The following PABPC1 variants were observed in gnomAD, a reference collection of about 807,000 sequenced individuals.
The protein encoded by PABPC1 is polyadenylate-binding protein 1.
Under a neutral mutation model 74.0 loss-of-function variants are expected in PABPC1, and 4 were observed. That is an observed-to-expected ratio of 0.05 (90% CI 0.03 to 0.12). The LOEUF (loss-of-function observed/expected upper bound fraction) is 0.12, where lower values mean the gene tolerates loss of function less well. PABPC1 is among the 10% of genes least tolerant of loss of function. The probability of loss-of-function intolerance (pLI) is 1.00; values close to 1 mark genes in which losing one functional copy is unlikely to be tolerated. For missense variants in PABPC1, 271 were observed against 821.1 expected, an observed-to-expected ratio of 0.33 and a Z score of 8.19; for synonymous variants, 227 against 264.1, an observed-to-expected ratio of 0.86 and a Z score of 1.36.
At chr8:100,716,375 G>A (rs951183254) in intron 3 of PABPC1, among the ~76,000 whole-genome samples, 2 of 152,006 alleles carry the variant, frequency 1.3e-5, no homozygotes, top group African/African-American at 2.4e-5. Context: ...CTCCAGCCTG[G>A]GCAAGAGAGC....
intron 1 of PABPC1, among the ~76,000 whole-genome samples, chr8:100,720,619 A>T (rs1187477170): frequency 1.3e-5 from 2 of 152,242 alleles, no homozygotes; most frequent in Non-Finnish European, 2.9e-5. Context: ...AAATTTGACT[A>T]AAAATGGTCT....
In PABPC1 at chr8:100,721,350, G is replaced by A. The variant is rs1275470322; in HGVS notation, c.193+41C>T. 18 of 1,287,746 alleles carry A rather than the reference G, an allele frequency of 1.4e-5. No individual in the cohort carries two copies. Among genetic ancestry groups the A allele is most frequent in the Non-Finnish European group, 1.7e-5 (17 of 990,716 alleles). The allele number at this position is 1,287,746 out of a possible 1,614,324, so 79.8% of individuals were successfully genotyped here. On this transcript the variant is annotated intron_variant, in intron 1 of 14. Transcript: ENST00000318607. This position sits in a 1 kb window ranked among gnomAD's most constrained non-coding sequence, Gnocchi z 7.4. ...CCGCCGCCGCCGCCCGAGCCTCATG[G>A]CCGCCCGCCCGCCCGGCCGACCGCG...
rs1289800980 is a variant in PABPC1, at chr8:100,721,524, G to A, written c.60C>T (p.Pro20=). 1 of 1,610,884 alleles carries A rather than the reference G, an allele frequency of 6.2e-7. No homozygotes were observed. Among genetic ancestry groups the A allele is most frequent in the Non-Finnish European group, 8.5e-7 (1 of 1,178,282 alleles). ...CGTAGAGCATCGCCTCGGTCACGTC[G>A]GGGTGGAGGTCCCCCACGTAGAGCG... ...MASLYVGDLH[P]DVTEAMLYEK... is the part of the protein sequence containing the mutation. Residue 20 remains proline, a synonymous_variant, in exon 1 of 15, where the codon CCC becomes CCT. Coordinates refer to ENST00000318607, the MANE Select transcript of PABPC1 (RefSeq NM_002568.4). The surrounding 1 kb of genome is among the most constrained non-coding windows in gnomAD (Gnocchi z 7.4).
At chr8:100,718,997 CTT>C (rs1294394288) in intron 1 of PABPC1, among the ~76,000 whole-genome samples, 1 of 152,190 alleles carries the variant, frequency 6.6e-6, no homozygotes, top group Admixed American at 6.5e-5. Context: ...TTAACGCTCT[CTT>C]GACACATACA....
At chr8:100,705,100 T>C (rs778181830) in intron 12 of PABPC1, 44 bp from the exon 13 acceptor site, 1 of 1,565,340 alleles carries the variant, frequency 6.4e-7, no homozygotes, top group South Asian at 1.2e-5. Context: ...TAAAAAAAAG[T>C]TTTTAACTGC....
chr8:100,704,844 A>C lies in PABPC1; in HGVS notation c.1818+82T>G, dbSNP rs547634888. The C allele has an allele frequency of 7.4e-6, 10 of 1,347,178 alleles. No individual in the cohort carries two copies. In the South Asian group the frequency reaches 1.2e-4, roughly 17 times the overall value. The allele number at this position is 1,347,178 out of a possible 1,614,324, so 83.5% of individuals were successfully genotyped here. ...ACATGGCTTATATATAACACGATGT[A>C]AGTGTTCTGTACAATTAAGTCCCCA... On this transcript the variant is annotated intron_variant, in intron 13 of 14. Transcript: ENST00000318607.
chr8:100,716,444 CAT>C (rs1416251946), intron 3 of PABPC1, among the ~76,000 whole-genome samples: 2 of 152,126 alleles, frequency 1.3e-5, no homozygotes, highest in Non-Finnish European at 2.9e-5. Flanking sequence ...AAAGGTAGCA[CAT>C]GTGTCATAGC....
At chr8:100,707,513 G>A (rs539089378) in intron 9 of PABPC1, among the ~76,000 whole-genome samples, 6 of 152,216 alleles carry the variant, frequency 3.9e-5, no homozygotes, top group African/African-American at 1.4e-4. Flanking sequence ...GAGAGGGAGA[G>A]GAGACAGAGA....
chr8:100,704,411 T>G (rs1810327651), intron 13 of PABPC1, 21 bp from the exon 14 acceptor site: 1 of 1,581,198 alleles, frequency 6.3e-7, no homozygotes, highest in African/African-American at 1.3e-5. Flanking sequence ...GGAAAACAGA[T>G]AAACTGGTTC....
rs80036207 is a variant in PABPC1 at position 100,711,468 on chromosome 8, G to A, written c.972+894C>T. On this transcript the variant is annotated intron_variant, in intron 7 of 14. Coordinates refer to ENST00000318607, the MANE Select transcript of PABPC1 (RefSeq NM_002568.4). ...CACTCCAACCTGGGCAACATAATGA[G>A]ATCCTGTCTCAAGAAACAGAAAAAC... Among the ~76,000 whole-genome samples the A allele has an allele frequency of 1.4e-3, 215 of 152,270 alleles. 5 individuals carry two copies. In the East Asian group the frequency reaches 0.038, roughly 27 times the overall value.
In PABPC1 at chr8:100,721,623, TC is replaced by T. The variant is rs746049300; in HGVS notation, c.-41del. ...CCGCAGGGCCACAGGCCGCGACCTTTCCGTGAGAGGAGGAGAGCGAGTGCCG... is the reference window on the plus strand; with the variant it reads ...CCGCAGGGCCACAGGCCGCGACCTTTCGTGAGAGGAGGAGAGCGAGTGCCG... On this transcript the variant is annotated 5_prime_UTR_variant, in exon 1 of 15. Coordinates refer to ENST00000318607, the MANE Select transcript of PABPC1 (RefSeq NM_002568.4). This position sits in a 1 kb window ranked among gnomAD's most constrained non-coding sequence, Gnocchi z 7.4. The T allele has an allele frequency of 8.1e-6, 11 of 1,366,234 alleles. No homozygotes were observed. The highest frequency in any genetic ancestry group is 1.5e-5 in the African/African-American group (1 of 67,344). 84.6% of individuals were successfully genotyped at this position (1,366,234 alleles called of 1,614,324 possible).
chr8:100,715,472 A>G lies in PABPC1; in HGVS notation c.633T>C (p.Phe211=). ...DMDDERLKDL[F]GKFGPALSVK... ...ATTAAGACACATTACCAAACTTGCCAAAGAGATCCTTAAGGCGCTCATCAT... is the reference window on the plus strand; with the variant it reads ...ATTAAGACACATTACCAAACTTGCCGAAGAGATCCTTAAGGCGCTCATCAT... Residue 211 remains phenylalanine, a synonymous_variant, in exon 4 of 15, where the codon TTT becomes TTC. Transcript: ENST00000318607. The G allele has an allele frequency of 6.2e-7, 1 of 1,602,902 alleles. No homozygotes were observed. Among genetic ancestry groups the G allele is most frequent in the Non-Finnish European group, 8.5e-7 (1 of 1,173,722 alleles).
intron 9 of PABPC1, among the ~76,000 whole-genome samples, chr8:100,707,544 G>A (rs575746225): frequency 2.6e-5 from 4 of 152,358 alleles, no homozygotes; most frequent in Admixed American, 2.6e-4. Flanking sequence ...TTACGCCATT[G>A]TTTCTGCATA....
intron 3 of PABPC1, among the ~76,000 whole-genome samples, chr8:100,716,024 C>T (rs544232904): frequency 6.9e-4 from 105 of 152,360 alleles, no homozygotes; most frequent in South Asian, 6.6e-3. Context: ...TGTACTCTAA[C>T]ACACAACAGC....
At chr8:100,713,287 A>T in intron 4 of PABPC1, 106 bp from the exon 5 acceptor site, 1 of 582,734 alleles carries the variant, frequency 1.7e-6, no homozygotes, top group Non-Finnish European at 2.9e-6. Context: ...AAGCTCCGTA[A>T]CTTGACTCCT....
chr8:100,707,039 TACTG>T, intron 9 of PABPC1, 42 bp from the exon 10 acceptor site: 1 of 1,393,990 alleles, frequency 7.2e-7, no homozygotes, highest in Non-Finnish European at 1.0e-6. Context: ...TGGGAAAACT[TACTG>T]AGTGAAAAGT....
intron 14 of PABPC1, among the ~76,000 whole-genome samples, chr8:100,703,838 T>A (rs905317139): frequency 5.3e-5 from 8 of 151,994 alleles, no homozygotes; most frequent in Admixed American, 3.9e-4. Flanking sequence ...TCACTTGAGG[T>A]CAGAAGTTCC....
intron 4 of PABPC1, among the ~76,000 whole-genome samples, chr8:100,715,158 C>CACACACATAT (rs1234644734): frequency 1.3e-4 from 10 of 76,218 alleles, no homozygotes; most frequent in African/African-American, 4.1e-4. Context: ...CACACACACA[C>CACACACATAT]ATATATATCT....
At chr8:100,707,875 C>T (rs1273042146) in intron 9 of PABPC1, among the ~76,000 whole-genome samples, 4 of 152,376 alleles carry the variant, frequency 2.6e-5, no homozygotes, top group Middle Eastern at 3.4e-3. Flanking sequence ...TCTTCCCAGA[C>T]GCTGGCGTTA....
Sources: gnomAD v4.1 joint callset for allele counts (sites outside exome capture counted in the v4.1 genomes callset) on GRCh38, gnomAD v4.1.1 for gene constraint, Gnocchi (gnomAD v3.1) non-coding constraint, MANE v1.5 for transcripts, NCBI Gene and HGNC (gene_info 2026-07-23, HGNC 2026-07-21) for gene names.